CENPV: variants seen among roughly 807,000 people sequenced by gnomAD.
CENPV encodes the protein centromere protein V.
A neutral mutation model predicts 26.4 loss-of-function variants in CENPV; 15 were observed. That is an observed-to-expected ratio of 0.57 (90% CI 0.38 to 0.88). The LOEUF (loss-of-function observed/expected upper bound fraction) is 0.88, where lower values mean the gene tolerates loss of function less well. CENPV is among the 40% of genes least tolerant of loss of function. CENPV has a pLI of 0.00. For missense variants in CENPV, 336 were observed against 376.5 expected, an observed-to-expected ratio of 0.89 and a Z score of 0.89; for synonymous variants, 172 against 165.5, an observed-to-expected ratio of 1.04 and a Z score of -0.30.
At chr17:16,348,788 C>T in intron 2 of CENPV, 103 bp from the exon 3 acceptor site, 1 of 1,557,240 alleles carries the variant, frequency 6.4e-7, no homozygotes. Context: ...AGATGATGCC[C>T]CTTTCAGCAC....
rs141893330 is a variant in CENPV at position 16,344,607 on chromosome 17, G to A, written c.684C>T (p.Pro228=). 60 of 1,575,502 alleles carry A rather than the reference G, an allele frequency of 3.8e-5. No individual in the cohort carries two copies. Among genetic ancestry groups the A allele is most frequent in the Admixed American group, 1.7e-4 (9 of 53,230 alleles). Residue 228 remains proline, a synonymous_variant, in exon 4 of 5, where the codon CCC becomes CCT. Transcript: ENST00000299736. ...VQSFYTPRSN[P]GGFGIAPHCL... is the part of the protein sequence containing the mutation. ...ATCCCCTTTACTCACCGAAGCCTCC[G>A]GGGTTTGATCGTGGAGTATAGAAGC...
At chr17:16,344,043 T>C (rs187911414) in intron 4 of CENPV, among the ~76,000 whole-genome samples, 1 of 152,240 alleles carries the variant, frequency 6.6e-6, no homozygotes, top group African/African-American at 2.4e-5. Context: ...AGATACGGTT[T>C]TGCTATGTTT....
intron 1 of CENPV, 46 bp downstream of exon 1, chr17:16,352,981 G>T (rs957535080): frequency 4.7e-6 from 7 of 1,501,206 alleles, no homozygotes; most frequent in Admixed American, 4.4e-5. Context: ...TGCCGAGGGG[G>T]TCCGCGTGGC....
rs548979203 is a variant in CENPV at position 16,352,186 on chromosome 17, T to C, written c.410+841A>G. On this transcript the variant is annotated intron_variant, in intron 1 of 4. Transcript: ENST00000299736. Reference sequence around the variant, plus strand: ...TCGTAAAATTGACACTGAAATATAATATCAGGGCGTTAAAATATCTCTCTG... The same window carrying C: ...TCGTAAAATTGACACTGAAATATAACATCAGGGCGTTAAAATATCTCTCTG... Among the ~76,000 whole-genome samples the C allele has an allele frequency of 2.4e-4, 36 of 152,332 alleles. 1 individual carries two copies. The South Asian group carries it at 7.2e-3, about 31-fold the overall frequency.
chr17:16,343,118 C>T (rs919077963), intron 4 of CENPV, among the ~76,000 whole-genome samples, 177 bp from the exon 5 acceptor site: 7 of 152,168 alleles, frequency 4.6e-5, no homozygotes, highest in African/African-American at 9.7e-5. Context: ...CCAGCTGGCT[C>T]GGAAAGCACT....
At chr17:16,345,520 G>A (rs886774166) in intron 3 of CENPV, among the ~76,000 whole-genome samples, 2 of 151,974 alleles carry the variant, frequency 1.3e-5, no homozygotes, top group African/African-American at 4.8e-5. Context: ...GCAGTGGGCT[G>A]AGATCGCACC....
chr17:16,350,344 A>AT (rs755226283), intron 1 of CENPV, among the ~76,000 whole-genome samples: 3,017 of 143,192 alleles, frequency 0.021, 70 homozygotes, highest in African/African-American at 0.06. Flanking sequence ...CAAATACTAA[A>AT]TTTTTTTTTT....
chr17:16,342,736 G>A lies in CENPV; in HGVS notation c.*81C>T. Reference sequence around the variant, plus strand: ...AGCAGCCCAGGTCAGCCACATTCAGGAGCACCACCGAGGCACGGCAGGGAG... The same window carrying A: ...AGCAGCCCAGGTCAGCCACATTCAGAAGCACCACCGAGGCACGGCAGGGAG... On this transcript the variant is annotated 3_prime_UTR_variant, in exon 5 of 5. Coordinates refer to ENST00000299736, the MANE Select transcript of CENPV (RefSeq NM_181716.3). The A allele has an allele frequency of 6.4e-7, 1 of 1,564,256 alleles. No homozygotes were observed. The highest frequency in any genetic ancestry group is 8.8e-7 in the Non-Finnish European group (1 of 1,139,242).
rs985021514 is a variant in CENPV, at chr17:16,353,454, G to C, written c.-18C>G. ...CGCCGCATGGCTCCCGCAGCCTGGC[G>C]CGCAGGCCTCGCAGCGCGGCGCGCC... is the stretch of plus-strand genomic sequence containing the variant. On this transcript the variant is annotated 5_prime_UTR_variant, in exon 1 of 5. Coordinates refer to ENST00000299736, the MANE Select transcript of CENPV (RefSeq NM_181716.3). The C allele has an allele frequency of 2.4e-4, 268 of 1,106,314 alleles. 3 individuals are homozygous for C. The highest frequency in any genetic ancestry group is 1.0e-4 in the Admixed American group (2 of 19,510). The allele number at this position is 1,106,314 out of a possible 1,614,324, so 68.5% of individuals were successfully genotyped here.
intron 4 of CENPV, among the ~76,000 whole-genome samples, chr17:16,344,003 T>TG (rs1449149527): frequency 6.6e-6 from 1 of 152,134 alleles, no homozygotes; most frequent in East Asian, 1.9e-4. Flanking sequence ...GAGGGTTCCC[T>TG]GCTTGTTTAT....
chr17:16,348,225 C>G, intron 3 of CENPV: 1 of 157,470 alleles, frequency 6.4e-6, no homozygotes, highest in South Asian at 2.0e-4. Context: ...GGTGTGATCT[C>G]GGCTCACTGC....
At chr17:16,345,388 G>C (rs2093202344) in intron 3 of CENPV, among the ~76,000 whole-genome samples, 1 of 147,326 alleles carries the variant, frequency 6.8e-6, no homozygotes, top group Non-Finnish European at 1.5e-5. Context: ...GGGCAACATG[G>C]CAAAACCCTG....
At chr17:16,345,552 A>G (rs913598450) in intron 3 of CENPV, among the ~76,000 whole-genome samples, 5 of 152,052 alleles carry the variant, frequency 3.3e-5, no homozygotes, top group African/African-American at 1.2e-4. Context: ...AAATCTTGAA[A>G]TAACTTAATG....
At chr17:16,349,617 C>T (rs1309332018) in intron 2 of CENPV, 12 of 1,107,570 alleles carry the variant, frequency 1.1e-5, no homozygotes, top group Non-Finnish European at 1.3e-5. Context: ...ACTCAGTACC[C>T]AGCCAGGCAC....
At chr17:16,348,442 C>T (rs2093216397) in intron 3 of CENPV, 174 bp downstream of exon 3, 5 of 1,407,652 alleles carry the variant, frequency 3.6e-6, no homozygotes, top group South Asian at 1.4e-5. Context: ...CAGGCGTGAG[C>T]CACTGTGCCG....
intron 3 of CENPV, among the ~76,000 whole-genome samples, chr17:16,346,797 ATTTC>A (rs2093208564): frequency 6.7e-6 from 1 of 149,766 alleles, no homozygotes; most frequent in African/African-American, 2.5e-5. Context: ...GTATGCTACC[ATTTC>A]TTTTTTTTTT....
chr17:16,342,628 C>A lies in CENPV; in HGVS notation c.*189G>T. 1.7e-6 allele frequency: 1 copy of A among 581,940 alleles called. No individual in the cohort carries two copies. Among genetic ancestry groups the A allele is most frequent in the Non-Finnish European group, 3.0e-6 (1 of 332,430 alleles). The allele number at this position is 581,940 out of a possible 1,614,324, so 36.0% of individuals were successfully genotyped here. ...CAATTAGACTACATCAAAATCTGGG[C>A]AGAGGGAGGACAAAGAGCTGCCTAA... is the stretch of plus-strand genomic sequence containing the variant. On this transcript the variant is annotated 3_prime_UTR_variant, in exon 5 of 5. Transcript: ENST00000299736.
At position 16,348,673 on chromosome 17, in the gene CENPV, G is replaced by C; in HGVS notation, c.522C>G (p.Cys174Trp). ...LHIFDCNCSICKKKQNRHFIV... is the reference protein window; with the variant it reads ...LHIFDCNCSIWKKKQNRHFIV... Reference sequence around the variant, plus strand: ...TGAAGTGTCTATTCTGCTTCTTCTTGCAAATGCTGCAACTACAGAAAGACA... The same window carrying C: ...TGAAGTGTCTATTCTGCTTCTTCTTCCAAATGCTGCAACTACAGAAAGACA... The change falls in exon 3 of 5, where the codon TGC becomes TGG. Residue 174 changes from cysteine to tryptophan, a missense_variant. Physicochemically the swap from Cys to Trp is radical, Grantham distance 215 (BLOSUM62 -2). Coordinates refer to ENST00000299736, the MANE Select transcript of CENPV (RefSeq NM_181716.3). 1 of 1,613,954 alleles carries C rather than the reference G, an allele frequency of 6.2e-7. No homozygotes were observed. Among genetic ancestry groups the C allele is most frequent in the Non-Finnish European group, 8.5e-7 (1 of 1,179,880 alleles).
chr17:16,349,945 A>G lies in CENPV; in HGVS notation c.495T>C (p.His165=), dbSNP rs1246922015. 1 of 1,613,588 alleles carries G rather than the reference A, an allele frequency of 6.2e-7. No homozygotes were observed. The highest frequency in any genetic ancestry group is 8.5e-7 in the Non-Finnish European group (1 of 1,179,890). Residue 165 remains histidine (H), a synonymous_variant, in exon 2 of 5, where the codon CAT becomes CAC. Coordinates refer to ENST00000299736, the MANE Select transcript of CENPV (RefSeq NM_181716.3). The part of the protein sequence containing the change: ...RFEVWASADL[H]IFDCNCSICK... ...AAAATACTCACTTGCAGTCAAATAT[A>G]TGCAAGTCTGCTGAGGCCCAAACTT...
Sources: gnomAD v4.1 joint callset for allele counts (sites outside exome capture counted in the v4.1 genomes callset) on GRCh38, gnomAD v4.1.1 for gene constraint, MANE v1.5 for transcripts, NCBI Gene and HGNC (gene_info 2026-07-23, HGNC 2026-07-21) for gene names.